MYH9: variants seen among roughly 807,000 people sequenced by gnomAD.
MYH9 encodes the protein myosin heavy chain 9.
In MYH9, 29 loss-of-function variants were observed where a neutral mutation model predicts 241.9. The observed-to-expected ratio is 0.12, with a 90% CI of 0.09 to 0.16. The LOEUF (loss-of-function observed/expected upper bound fraction) is 0.16, where lower values mean the gene tolerates loss of function less well. MYH9 is among the 10% of genes least tolerant of loss of function. The pLI is 1.00. For missense variants in MYH9, 1,803 were observed against 2,595.5 expected, an observed-to-expected ratio of 0.69 and a Z score of 6.63; for synonymous variants, 1,047 against 1,062.6, an observed-to-expected ratio of 0.99 and a Z score of 0.29.
At position 36,282,823 on chromosome 22, in the gene MYH9, G is replaced by A. The variant is rs749541838; in HGVS notation, c.5766-38C>T. On this transcript the variant is annotated intron_variant, in intron 40 of 40. Coordinates refer to ENST00000216181, the MANE Select transcript of MYH9 (RefSeq NM_002473.6). ...GTAGAAGCAGAGGGTCAGCGGGCCC[G>A]GCCAGGCCAGGGGCGGCCACAGCAC... The A allele has an allele frequency of 3.8e-6, 6 of 1,562,374 alleles. No individual in the cohort carries two copies. The African/African-American group carries it at 5.4e-5, about 14-fold the overall frequency.
In MYH9 at chr22:36,355,488, C is replaced by A. The variant is rs148495542; in HGVS notation, c.-19-6233G>T. ...CCTTAAAGACAGAATGTATTCTACT[C>A]TCAGATCTTTGGTTGAAACGTTGAG... is the stretch of plus-strand genomic sequence containing the variant. On this transcript the variant is annotated intron_variant, in intron 1 of 40. Coordinates refer to ENST00000216181, the MANE Select transcript of MYH9 (RefSeq NM_002473.6). Among the ~76,000 whole-genome samples, 277 of 152,094 alleles carry A rather than the reference C, an allele frequency of 1.8e-3. 1 individual carries two copies. Among genetic ancestry groups the A allele is most frequent in the African/African-American group, 5.9e-3 (245 of 41,502 alleles).
chr22:36,287,431 G>T (rs1269243690), intron 34 of MYH9, among the ~76,000 whole-genome samples: 1 of 148,700 alleles, frequency 6.7e-6, no homozygotes. Flanking sequence ...GTTTTTGTGG[G>T]TTTTTTTTTT....
intron 1 of MYH9, among the ~76,000 whole-genome samples, chr22:36,377,216 A>G (rs1366322635): frequency 6.6e-6 from 1 of 152,174 alleles, no homozygotes; most frequent in Non-Finnish European, 1.5e-5. Context: ...GAGGACAGCG[A>G]GTTCTCAAAT....
At chr22:36,291,156 G>GCCACCACCCCGTCTGGGAGGTGTA (rs2016693379) in intron 31 of MYH9, among the ~76,000 whole-genome samples, 1 of 151,922 alleles carries the variant, frequency 6.6e-6, no homozygotes, top group African/African-American at 2.4e-5. Flanking sequence ...CCTCTGCCAG[G>GCCACCACCCCGTCTGGGAGGTGTA]CCACCACCCC....
In MYH9 at chr22:36,282,424, C is replaced by CG. The variant is rs879076493; in HGVS notation, c.*243dup. ...CTGCTGGTCGCTCTCTGCCTGGGCC[C>CG]GGGCCCTGTCTCTTTGGTATCAGAT... On this transcript the variant is annotated 3_prime_UTR_variant, in exon 41 of 41. Transcript: ENST00000216181. 3.4e-5 allele frequency: 21 copies of CG among 623,478 alleles called. No individual in the cohort carries two copies. The South Asian group carries it at 3.5e-4, about 10-fold the overall frequency. The allele number at this position is 623,478 out of a possible 1,614,324, so 38.6% of individuals were successfully genotyped here.
At chr22:36,307,451 G>A (rs2146349596) in intron 15 of MYH9, among the ~76,000 whole-genome samples, 1 of 152,316 alleles carries the variant, frequency 6.6e-6, no homozygotes, top group East Asian at 1.9e-4. Context: ...TCTATTACTG[G>A]ATATAAAAGT....
intron 3 of MYH9, among the ~76,000 whole-genome samples, chr22:36,336,045 C>G (rs567572870): frequency 2.6e-5 from 4 of 152,266 alleles, no homozygotes; most frequent in African/African-American, 7.2e-5. Flanking sequence ...AACCAGGGAT[C>G]GGGTGGGAAG....
At position 36,281,814 on chromosome 22, in the gene MYH9, TGG is replaced by T. The variant is rs1446676933; in HGVS notation, c.*852_*853del. 1 of 231,394 alleles carries T rather than the reference TGG, an allele frequency of 4.3e-6. No homozygotes were observed. Among genetic ancestry groups the T allele is most frequent in the Non-Finnish European group, 8.6e-6 (1 of 116,614 alleles). 14.3% of individuals were successfully genotyped at this position (231,394 alleles called of 1,614,324 possible). A position where few individuals can be genotyped will look rare whatever the true frequency, so the allele number is the denominator to read the frequency against. On this transcript the variant is annotated 3_prime_UTR_variant, in exon 41 of 41. Transcript: ENST00000216181. ...ACACAAGATCGCCTGGGAGGGCCGC[TGG>T]CCCCTCTAACGCTCTGGCTGTCAGA... is the stretch of plus-strand genomic sequence containing the variant.
At chr22:36,355,104 A>G (rs2017835472) in intron 1 of MYH9, among the ~76,000 whole-genome samples, 3 of 151,994 alleles carry the variant, frequency 2.0e-5, no homozygotes, top group South Asian at 2.1e-4. Context: ...CCTGGAGATG[A>G]GATTGGATCA....
intron 1 of MYH9, among the ~76,000 whole-genome samples, chr22:36,385,131 A>ATGCT (rs1351564382): frequency 6.6e-6 from 1 of 150,818 alleles, no homozygotes; most frequent in Non-Finnish European, 1.5e-5. Flanking sequence ...TTGGAACATG[A>ATGCT]TGCTTGGGAG....
intron 6 of MYH9, 38 bp downstream of exon 6, chr22:36,322,391 C>A: frequency 6.2e-7 from 1 of 1,606,176 alleles, no homozygotes; most frequent in Non-Finnish European, 8.5e-7. Context: ...GGGCAAGGCC[C>A]TCTGTCCCCA....
chr22:36,314,081 A>G, intron 13 of MYH9, 64 bp downstream of exon 13: 1 of 1,551,076 alleles, frequency 6.4e-7, no homozygotes, highest in East Asian at 2.2e-5. Flanking sequence ...TGAGGTGAGG[A>G]GCGGGTGCCC....
At chr22:36,381,989 T>C (rs542914957) in intron 1 of MYH9, among the ~76,000 whole-genome samples, 56 of 152,190 alleles carry the variant, frequency 3.7e-4, no homozygotes, top group African/African-American at 1.3e-3. Flanking sequence ...TTTGTTGTTG[T>C]TGTTGTTGTT....
chr22:36,376,637 A>C (rs1215602088), intron 1 of MYH9, among the ~76,000 whole-genome samples: 2 of 151,788 alleles, frequency 1.3e-5, no homozygotes, highest in African/African-American at 4.8e-5. Context: ...AAAAATAAAA[A>C]CTTGAAAATG....
intron 23 of MYH9, 96 bp from the exon 24 acceptor site, chr22:36,299,138 T>A: frequency 6.6e-7 from 1 of 1,506,798 alleles, no homozygotes. Flanking sequence ...TGGGGCTGAA[T>A]GGAGAGGGCT....
chr22:36,375,871 T>A (rs1271821059), intron 1 of MYH9, among the ~76,000 whole-genome samples: 4 of 151,658 alleles, frequency 2.6e-5, no homozygotes, highest in Non-Finnish European at 5.9e-5. Flanking sequence ...TTTTTAAATG[T>A]AAGTTAAAAT....
At chr22:36,313,720 G>A (rs963156118) in intron 13 of MYH9, among the ~76,000 whole-genome samples, 5 of 152,154 alleles carry the variant, frequency 3.3e-5, no homozygotes, top group Admixed American at 1.3e-4. Context: ...AGCACTCAAT[G>A]CCCAGGGTCT....
intron 3 of MYH9, among the ~76,000 whole-genome samples, chr22:36,332,437 A>G (rs972362072): frequency 1.3e-5 from 2 of 152,146 alleles, no homozygotes; most frequent in Non-Finnish European, 2.9e-5. Context: ...CAATGTGGTC[A>G]TGGGCGAGTG....
intron 23 of MYH9, 145 bp from the exon 24 acceptor site, chr22:36,299,187 C>T (rs2016835677): frequency 3.2e-6 from 4 of 1,238,782 alleles, no homozygotes; most frequent in Admixed American, 3.6e-5. Context: ...TTTCCTAGAT[C>T]AAAGGATAAT....
Sources: gnomAD v4.1 joint callset for allele counts (sites outside exome capture counted in the v4.1 genomes callset) on GRCh38, gnomAD v4.1.1 for gene constraint, MANE v1.5 for transcripts, NCBI Gene and HGNC (gene_info 2026-07-23, HGNC 2026-07-21) for gene names.